The following DLG2 variants were observed in gnomAD, a reference collection of about 807,000 sequenced individuals.
DLG2 encodes discs large MAGUK scaffold protein 2, also known as disks large homolog 2.
A neutral mutation model predicts 132.5 loss-of-function variants in DLG2; 45 were observed. That is an observed-to-expected ratio of 0.34 (90% confidence interval 0.27 to 0.44). The LOEUF (loss-of-function observed/expected upper bound fraction) is 0.44. DLG2 is among the 20% of genes least tolerant of loss of function. The pLI is 1.00. For synonymous variants in DLG2, 424 were observed against 419.6 expected, an observed-to-expected ratio of 1.01 and a Z score of -0.13; for missense variants, 1,045 against 1,196.9, an observed-to-expected ratio of 0.87 and a Z score of 1.87.
At chr11:84,006,035 AT>A (rs1284302210) in intron 11 of DLG2, among the ~76,000 whole-genome samples, 2 of 151,936 alleles carry the variant, frequency 1.3e-5, no homozygotes, top group African/African-American at 4.8e-5. Flanking sequence ...TCACATGTTT[AT>A]TGCAGCCCTA....
In DLG2 at chr11:84,251,637, C is replaced by CTTTT. The variant is rs369651884; in HGVS notation, c.520-347_520-346insAAAA. Among the ~76,000 whole-genome samples the CTTTT allele has an allele frequency of 2.3e-3, 305 of 129,934 alleles. 18 individuals carry two copies. The highest frequency in any genetic ancestry group is 5.2e-3 in the Middle Eastern group (1 of 194). The allele number at this position is 129,934 out of a possible 152,430, so 85.2% of individuals were successfully genotyped here. A position where few individuals can be genotyped will look rare whatever the true frequency, so the allele number is the denominator to read the frequency against. ...GTAAGAGTTAAAACTTGTATCTTTT[C>CTTTT]TTTCTTTTTTTTTTTTTTTTGTGAG... On this transcript the variant is annotated intron_variant, in intron 7 of 27. Coordinates refer to ENST00000376104, the MANE Select transcript of DLG2 (RefSeq NM_001142699.3).
chr11:84,094,637 A>T (rs1239504165), intron 10 of DLG2, among the ~76,000 whole-genome samples: 1 of 152,170 alleles, frequency 6.6e-6, no homozygotes, highest in Non-Finnish European at 1.5e-5. Context: ...CCTCACATAA[A>T]GGAAGGGGCA....
chr11:83,611,161 C>T lies in DLG2; in HGVS notation c.1940+22050G>A, dbSNP rs535264086. Among the ~76,000 whole-genome samples, 19 of 152,214 alleles carry T rather than the reference C, an allele frequency of 1.2e-4. 1 individual carries two copies. In the South Asian group the frequency reaches 3.7e-3, roughly 30 times the overall value. ...GCTGGAGTGAATCACAGTTTTGGCA[C>T]TGGATCTAGAACTGTTATTGTCTGT... On this transcript the variant is annotated intron_variant, in intron 19 of 27. Coordinates refer to ENST00000376104, the MANE Select transcript of DLG2 (RefSeq NM_001142699.3).
intron 3 of DLG2, among the ~76,000 whole-genome samples, chr11:85,480,514 A>T (rs1347372343): frequency 6.6e-6 from 1 of 152,224 alleles, no homozygotes; most frequent in African/African-American, 2.4e-5. Flanking sequence ...CAACATCATA[A>T]CATTTATATG....
In DLG2 at chr11:84,554,474, C is replaced by T. The variant is rs867455813; in HGVS notation, c.358-19743G>A. ...AAAAATAAAGAAAATGGGCCGGGTG[C>T]GGTAGCTCATGCCTGTAATCCCAGC... On this transcript the variant is annotated intron_variant, in intron 6 of 27. Transcript: ENST00000376104. Among the ~76,000 whole-genome samples the T allele has an allele frequency of 5.9e-5, 9 of 152,194 alleles. No individual in the cohort carries two copies. In the South Asian group the frequency reaches 1.9e-3, roughly 32 times the overall value.
At chr11:85,004,090 T>C (rs2058437441) in intron 6 of DLG2, among the ~76,000 whole-genome samples, 1 of 152,226 alleles carries the variant, frequency 6.6e-6, no homozygotes. Context: ...ATGGTCTATA[T>C]GTGCCACATT....
chr11:85,121,590 A>G (rs2074321511), intron 5 of DLG2, among the ~76,000 whole-genome samples: 1 of 152,044 alleles, frequency 6.6e-6, no homozygotes, highest in Non-Finnish European at 1.5e-5. Flanking sequence ...AGAAATTTCA[A>G]TTATGATCAT....
intron 11 of DLG2, among the ~76,000 whole-genome samples, chr11:84,011,478 T>C (rs2154064968): frequency 6.6e-6 from 1 of 151,616 alleles, no homozygotes; most frequent in South Asian, 2.1e-4. Context: ...CTCTAATAAA[T>C]AAATAAATAA....
intron 21 of DLG2, among the ~76,000 whole-genome samples, chr11:83,510,469 C>A (rs1448695706): frequency 6.6e-6 from 1 of 152,150 alleles, no homozygotes; most frequent in Non-Finnish European, 1.5e-5. Flanking sequence ...CTCACTTCTT[C>A]CTACTTCAAT....
At chr11:84,460,935 T>A (rs546615037) in intron 7 of DLG2, among the ~76,000 whole-genome samples, 2 of 150,662 alleles carry the variant, frequency 1.3e-5, no homozygotes, top group African/African-American at 4.8e-5. Context: ...AAGAGACTCA[T>A]TGAAACATTT....
At chr11:84,741,903 A>G (rs1314807264) in intron 6 of DLG2, among the ~76,000 whole-genome samples, 1 of 152,150 alleles carries the variant, frequency 6.6e-6, no homozygotes, top group Non-Finnish European at 1.5e-5. Context: ...GAGAATACAA[A>G]TAGACAATTC....
chr11:83,855,686 A>G (rs2060425866), intron 16 of DLG2, among the ~76,000 whole-genome samples: 1 of 152,202 alleles, frequency 6.6e-6, no homozygotes, highest in Non-Finnish European at 1.5e-5. Context: ...ATGAATTGGT[A>G]AAAGAAGATA....
chr11:84,226,768 T>TA (rs1405372107), intron 8 of DLG2, among the ~76,000 whole-genome samples: 1 of 152,102 alleles, frequency 6.6e-6, no homozygotes, highest in Non-Finnish European at 1.5e-5. Flanking sequence ...TATAAACAAA[T>TA]ATGATGTGAT....
At chr11:84,537,893 T>G (rs1402670996) in intron 6 of DLG2, among the ~76,000 whole-genome samples, 2 of 152,158 alleles carry the variant, frequency 1.3e-5, no homozygotes, top group Non-Finnish European at 2.9e-5. Context: ...GATGAAAACT[T>G]TTTCACTATA....
chr11:84,045,804 G>GTC (rs2096230119), intron 11 of DLG2, among the ~76,000 whole-genome samples: 1 of 151,556 alleles, frequency 6.6e-6, no homozygotes, highest in South Asian at 2.1e-4. Context: ...ATCAAGAATG[G>GTC]TTAATGAACT....
chr11:84,716,373 C>A (rs1232246372), intron 6 of DLG2, among the ~76,000 whole-genome samples: 1 of 151,880 alleles, frequency 6.6e-6, no homozygotes, highest in Non-Finnish European at 1.5e-5. Flanking sequence ...AACAAATATT[C>A]TTTTATGTTT....
chr11:85,419,002 A>C (rs2090086292), intron 3 of DLG2, among the ~76,000 whole-genome samples: 1 of 152,100 alleles, frequency 6.6e-6, no homozygotes, highest in Admixed American at 6.6e-5. Flanking sequence ...AAGTTGATGC[A>C]GTTTTTCATA....
chr11:84,372,341 AG>A (rs2098709905), intron 7 of DLG2, among the ~76,000 whole-genome samples: 1 of 152,192 alleles, frequency 6.6e-6, no homozygotes, highest in South Asian at 2.1e-4. Flanking sequence ...TACACAACAA[AG>A]AAAGACTTAA....
rs1425616479 is a variant in DLG2, at chr11:83,682,085, C to T, written c.1826-48760G>A. The T allele has an allele frequency of 2.7e-5, 26 of 966,066 alleles. No homozygotes were observed. In the East Asian group the frequency reaches 8.0e-4, roughly 30 times the overall value. The allele number at this position is 966,066 out of a possible 1,614,324, so 59.8% of individuals were successfully genotyped here. ...TGACACACACTTCTGACAGCAAGTG[C>T]CTATTCCAAACTATGGGTACGTTTG... On this transcript the variant is annotated intron_variant, in intron 18 of 27. Coordinates refer to ENST00000376104, the MANE Select transcript of DLG2 (RefSeq NM_001142699.3).
Sources: allele counts gnomAD v4.1 joint callset (sites outside exome capture counted in the v4.1 genomes callset), GRCh38; gene constraint gnomAD v4.1.1; transcripts MANE v1.5; gene names NCBI Gene and HGNC (gene_info 2026-07-23, HGNC 2026-07-21).